Variants in ACACB observed in about 807,000 individuals in gnomAD.
ACACB encodes acetyl-CoA carboxylase 2.
In ACACB, 209 loss-of-function variants were observed where a neutral mutation model predicts 278.8. The observed-to-expected ratio is 0.75, with a 90% CI of 0.67 to 0.84. ACACB has a LOEUF of 0.84. ACACB is among the 40% of genes least tolerant of loss of function. The pLI is 0.00. For missense variants in ACACB, 2,850 were observed against 3,269.0 expected, an observed-to-expected ratio of 0.87 and a Z score of 3.13; for synonymous variants, 1,174 against 1,285.6, an observed-to-expected ratio of 0.91 and a Z score of 1.86.
chr12:109,221,894 T>TTGGGG (rs372053398), intron 24 of ACACB, among the ~76,000 whole-genome samples: 51 of 128,298 alleles, frequency 4.0e-4, no homozygotes, highest in African/African-American at 1.3e-3. Context: ...TTTTTTTTTT[T>TTGGGG]GGGGGGGAGA....
rs763489136 is a variant in ACACB at position 109,191,938 on chromosome 12, A to G, written c.2387A>G (p.His796Arg). ...MFRTCMTDFL[H>R]SLERGQVLPA... ...AGAACGTGCATGACAGATTTCTTAC[A>G]CTCCCTGGAAAGGTAGGGGCTGTGG... The change falls in exon 15 of 53, where the codon CAC (histidine) becomes CGC (arginine). Residue 796 changes from histidine to arginine, a missense_variant. By Grantham distance (29) the His-to-Arg change is conservative (BLOSUM62 0). Coordinates refer to ENST00000338432, the MANE Select transcript of ACACB (RefSeq NM_001093.4). 31 of 1,613,334 alleles carry G rather than the reference A, an allele frequency of 1.9e-5. No individual in the cohort carries two copies. Among genetic ancestry groups the G allele is most frequent in the African/African-American group, 4.0e-5 (3 of 74,654 alleles).
At chr12:109,245,837 C>T in intron 38 of ACACB, 89 bp downstream of exon 38, 1 of 1,518,186 alleles carries the variant, frequency 6.6e-7, no homozygotes, top group Non-Finnish European at 8.9e-7. Context: ...ACCTGTAATC[C>T]CAGTGCTTTG....
intron 28 of ACACB, among the ~76,000 whole-genome samples, chr12:109,231,157 C>T (rs1373618911): frequency 6.6e-6 from 1 of 151,976 alleles, no homozygotes; most frequent in East Asian, 1.9e-4. Flanking sequence ...GTTGGCAGGG[C>T]TTTGTGCCAG....
At chr12:109,224,720 CAG>C (rs2046268242) in intron 27 of ACACB, among the ~76,000 whole-genome samples, 1 of 151,880 alleles carries the variant, frequency 6.6e-6, no homozygotes, top group Admixed American at 6.6e-5. Flanking sequence ...TTAGTAGAGA[CAG>C]GGTTTCACCA....
Position 109,233,818 on chromosome 12 carries a change from A to G in ACACB, c.4210A>G (p.Thr1404Ala), listed in dbSNP as rs773179278. ...KDTPLFSEAR[T>A]SLYSEDDCKS... ...CACCCCCCTCTTCAGCGAGGCCCGC[A>G]CCTCCCTATACTCCGAGGATGACTG... The change falls in exon 30 of 53, where the codon ACC becomes GCC. Residue 1404 changes from threonine to alanine, a missense_variant. Physicochemically the swap from Thr to Ala is moderately conservative, Grantham distance 58 (BLOSUM62 0). Coordinates refer to ENST00000338432, the MANE Select transcript of ACACB (RefSeq NM_001093.4). 30 of 1,613,666 alleles carry G rather than the reference A, an allele frequency of 1.9e-5. No homozygotes were observed. Among genetic ancestry groups the G allele is most frequent in the Admixed American group, 5.0e-5 (3 of 59,970 alleles).
At chr12:109,219,132 T>C (rs1259696357) in intron 24 of ACACB, among the ~76,000 whole-genome samples, 1 of 152,122 alleles carries the variant, frequency 6.6e-6, no homozygotes, top group Non-Finnish European at 1.5e-5. Flanking sequence ...GTCCACCCCC[T>C]ATTGCCACTA....
intron 16 of ACACB, 148 bp downstream of exon 16, chr12:109,193,877 C>T (rs1565907186): frequency 1.5e-6 from 1 of 680,864 alleles, no homozygotes; most frequent in South Asian, 1.8e-5. Flanking sequence ...AGTCCGTGAC[C>T]TTGACACCTA....
At chr12:109,261,879 A>C (rs2136843728) in intron 48 of ACACB, among the ~76,000 whole-genome samples, 1 of 150,870 alleles carries the variant, frequency 6.6e-6, no homozygotes, top group South Asian at 2.1e-4. Flanking sequence ...TAAAAAAAAA[A>C]CAAAAAAAAA....
Position 109,176,148 on chromosome 12 carries a change from C to T in ACACB, c.1327-5C>T. ...TAAAGAGGTCTGTTTGTCCTTTGCA[C>T]CCAGGCAGCAGAAAGAATTGGTTTT... On this transcript the variant is annotated splice_polypyrimidine_tract_variant and splice_region_variant and intron_variant, in intron 8 of 52. Coordinates refer to ENST00000338432, the MANE Select transcript of ACACB (RefSeq NM_001093.4). 1 of 1,614,104 alleles carries T rather than the reference C, an allele frequency of 6.2e-7. No homozygotes were observed. Among genetic ancestry groups the T allele is most frequent in the South Asian group, 1.1e-5 (1 of 91,084 alleles).
chr12:109,259,925 G>A (rs2136828803), intron 47 of ACACB: 1 of 502,076 alleles, frequency 2.0e-6, no homozygotes, highest in East Asian at 5.6e-5. Context: ...ACATCACTGA[G>A]CCTCAGTTTC....
At chr12:109,190,246 G>A (rs532071445) in intron 13 of ACACB, among the ~76,000 whole-genome samples, 1 of 152,148 alleles carries the variant, frequency 6.6e-6, no homozygotes, top group African/African-American at 2.4e-5. Context: ...GTCCCACCAC[G>A]CCCGGCTAGT....
At chr12:109,194,009 T>C (rs2268398) in intron 16 of ACACB, among the ~76,000 whole-genome samples, 1 of 151,752 alleles carries the variant, frequency 6.6e-6, no homozygotes, top group African/African-American at 2.4e-5. Context: ...CAACAAAAAT[T>C]TATTGTGTCC....
chr12:109,146,927 G>T (rs145265866), intron 2 of ACACB, among the ~76,000 whole-genome samples: 2 of 151,962 alleles, frequency 1.3e-5, no homozygotes. Flanking sequence ...TGCCCACCTC[G>T]GCCTCCCAAA....
rs1300926839 is a variant in ACACB, at chr12:109,209,982, C to T, written c.3249+629C>T. On this transcript the variant is annotated intron_variant, in intron 21 of 52. Transcript: ENST00000338432. ...ATATGTGTATACACACATACACACA[C>T]GTGTGTGTATATATGTGTATATGTG... Among the ~76,000 whole-genome samples, 19 of 74,702 alleles carry T rather than the reference C, an allele frequency of 2.5e-4. 1 individual carries two copies. Among genetic ancestry groups the T allele is most frequent in the Non-Finnish European group, 4.5e-4 (18 of 39,812 alleles). The allele number at this position is 74,702 out of a possible 152,430, so 49.0% of individuals were successfully genotyped here.
At chr12:109,214,609 G>A (rs1165471269) in intron 22 of ACACB, among the ~76,000 whole-genome samples, 3 of 152,144 alleles carry the variant, frequency 2.0e-5, no homozygotes, top group Non-Finnish European at 2.9e-5. Context: ...AAATATTAAA[G>A]CCCTGTCCTG....
chr12:109,210,270 C>G (rs11503164), intron 21 of ACACB, among the ~76,000 whole-genome samples: 5 of 19,930 alleles, frequency 2.5e-4, no homozygotes, highest in Admixed American at 6.7e-4. Context: ...TGTATATGTA[C>G]ATATACACAC....
chr12:109,246,844 G>A (rs1160117827), intron 39 of ACACB, among the ~76,000 whole-genome samples: 3 of 152,148 alleles, frequency 2.0e-5, no homozygotes, highest in Non-Finnish European at 4.4e-5. Flanking sequence ...TGGGTGGGAG[G>A]ATAGCTTGAA....
At chr12:109,157,400 G>A (rs1378324630) in intron 2 of ACACB, among the ~76,000 whole-genome samples, 2 of 151,796 alleles carry the variant, frequency 1.3e-5, no homozygotes, top group Non-Finnish European at 2.9e-5. Context: ...AGCCTTCCAA[G>A]TAGTGGGACC....
intron 43 of ACACB, 92 bp from the exon 44 acceptor site, chr12:109,254,122 G>A: frequency 6.7e-7 from 1 of 1,487,196 alleles, no homozygotes; most frequent in Middle Eastern, 1.7e-4. Context: ...TGCATAACCA[G>A]GCATAATCAT....
Sources: gnomAD v4.1 joint callset for allele counts (sites outside exome capture counted in the v4.1 genomes callset) on GRCh38, gnomAD v4.1.1 for gene constraint, MANE v1.5 for transcripts, NCBI Gene and HGNC (gene_info 2026-07-23, HGNC 2026-07-21) for gene names.